ZFP62: variants seen among roughly 807,000 people sequenced by gnomAD.
ZFP62 encodes zinc finger protein 62 homolog.
ZFP62 carries 44 observed loss-of-function variants against 56.4 expected under a neutral mutation model. The ratio of observed to expected loss-of-function variants is 0.78; its 90% CI spans 0.61 to 1.00. The LOEUF (loss-of-function observed/expected upper bound fraction) is 1.00, where lower values mean the gene tolerates loss of function less well. Among genes scored for constraint, ZFP62 ranks in the 50% least tolerant of loss-of-function variants. The pLI is 0.00. For synonymous variants in ZFP62, 421 were observed against 388.9 expected, an observed-to-expected ratio of 1.08 and a Z score of -0.97; for missense variants, 1,030 against 1,085.7, an observed-to-expected ratio of 0.95 and a Z score of 0.72.
chr5:180,852,580 A>G (rs945984171), intron 1 of ZFP62, among the ~76,000 whole-genome samples: 3 of 150,842 alleles, frequency 2.0e-5, no homozygotes, highest in Non-Finnish European at 4.4e-5. Flanking sequence ...AAAAGATACA[A>G]TTAGATCCCA....
chr5:180,829,198 GC>G, the ZFP62 span, among the ~76,000 whole-genome samples: 2 of 139,904 alleles, frequency 1.4e-5, no homozygotes, highest in East Asian at 4.0e-4. Context: ...TCTGCCTTTT[GC>G]CCTTTGTCCT....
Position 180,849,964 on chromosome 5 carries a change from C to T in ZFP62, c.1531G>A (p.Glu511Lys). 3.9e-6 allele frequency: 6 copies of T among 1,551,696 alleles called. No individual in the cohort carries two copies. The highest frequency in any genetic ancestry group is 1.4e-5 in the African/African-American group (1 of 73,152). Residue 511 changes from glutamate to lysine, a missense_variant, in exon 2 of 2, where the codon GAG becomes AAG. Glu to Lys is a moderately conservative substitution (Grantham distance 56). Transcript: ENST00000502412. Reference sequence around the variant, plus strand: ...GCAGAGCTGTAGTTGAAGGATTTCTCACAATAGCTACATTTATAGGGCTTC... The same window carrying T: ...GCAGAGCTGTAGTTGAAGGATTTCTTACAATAGCTACATTTATAGGGCTTC... ...GEKPYKCSYC[E>K]KSFNYSSALE...
chr5:180,831,180 C>A, the ZFP62 span: 1 of 155,200 alleles, frequency 6.4e-6, no homozygotes, highest in South Asian at 1.8e-4. Flanking sequence ...CTGCGGTTCT[C>A]ACAGCCCGCC....
At chr5:180,831,066 G>C in the ZFP62 span, 1 of 152,464 alleles carries the variant, frequency 6.6e-6, no homozygotes, top group African/African-American at 2.4e-5. Flanking sequence ...GAACTTACTG[G>C]GGCTGCATCA....
At position 180,849,227 on chromosome 5, in the gene ZFP62, G is replaced by C. The variant is rs986087075; in HGVS notation, c.2268C>G (p.Pro756=). ...CCTTCCCACACCTATCACACACATA[G>C]GGTTTCTCCCCTGTGTGGATCCTCT... ...QHKRIHTGEK[P]YVCDRCGKAF... Residue 756 remains proline (P), a synonymous_variant, in exon 2 of 2, where the codon CCC becomes CCG. Transcript: ENST00000502412. The C allele has an allele frequency of 1.2e-5, 19 of 1,559,032 alleles. No homozygotes were observed. In the Middle Eastern group the frequency reaches 8.3e-4, roughly 68 times the overall value.
At chr5:180,844,631 C>T (rs145213530), downstream of ZFP62, among the ~76,000 whole-genome samples, 5 of 152,330 alleles carry the variant, frequency 3.3e-5, no homozygotes, top group East Asian at 1.9e-4. Flanking sequence ...CAACCCCCAA[C>T]GTGTGGTTAC....
At position 180,848,552 on chromosome 5, in the gene ZFP62, T is replaced by G. The variant is rs1176109582; in HGVS notation, c.*240A>C. Reference sequence around the variant, plus strand: ...GAAGATTTGCTTCACATTCCATCACTCAGATCTAAGTTTTTCTCTCAAGTA... The same window carrying G: ...GAAGATTTGCTTCACATTCCATCACGCAGATCTAAGTTTTTCTCTCAAGTA... On this transcript the variant is annotated 3_prime_UTR_variant, in exon 2 of 2. Transcript: ENST00000502412. 1 of 1,218,766 alleles carries G rather than the reference T, an allele frequency of 8.2e-7. No individual in the cohort carries two copies. The highest frequency in any genetic ancestry group is 3.8e-5 in the Admixed American group (1 of 25,990). 75.5% of individuals were successfully genotyped at this position (1,218,766 alleles called of 1,614,324 possible).
intron 1 of ZFP62, chr5:180,852,119 TAGAC>T (rs1408904589): frequency 3.4e-5 from 24 of 705,148 alleles, no homozygotes; most frequent in Admixed American, 6.3e-5. Context: ...TCCTGGTACA[TAGAC>T]AGGCAAATGG....
the ZFP62 span, chr5:180,831,636 G>T: frequency 0.052 from 7,933 of 152,734 alleles, 640 homozygotes; most frequent in African/African-American, 0.17. Context: ...GGCGGGGCCT[G>T]GCCGAGCTGC....
chr5:180,846,340 C>A (rs1257941420), downstream of ZFP62, among the ~76,000 whole-genome samples: 1 of 152,202 alleles, frequency 6.6e-6, no homozygotes, highest in Non-Finnish European at 1.5e-5. Flanking sequence ...CCTGCATCTC[C>A]CCAAAAGTAG....
At chr5:180,845,804 A>AT, downstream of ZFP62, 1 of 985,374 alleles carries the variant, frequency 1.0e-6, no homozygotes, top group Admixed American at 6.1e-5. Context: ...TCATTTCTGA[A>AT]TCCCACGGAG....
chr5:180,859,033 G>C (rs1258774929), intron 1 of ZFP62, among the ~76,000 whole-genome samples: 1 of 152,184 alleles, frequency 6.6e-6, no homozygotes, highest in Non-Finnish European at 1.5e-5. Context: ...AAACAGTTAA[G>C]AACCGGCCCT....
At position 180,851,412 on chromosome 5, in the gene ZFP62, G is replaced by A; in HGVS notation, c.83C>T (p.Pro28Leu). Reference sequence around the variant, plus strand: ...TTCAGGCATAGGATCCTCCACTTTTGGCCACTTAGATGCTGCATTTCCAAC... The same window carrying A: ...TTCAGGCATAGGATCCTCCACTTTTAGCCACTTAGATGCTGCATTTCCAAC... ...ENVGNAASKW[P>L]KVEDPMPESK... The change falls in exon 2 of 2, where the codon CCA becomes CTA. Residue 28 changes from proline (P) to leucine (L), a missense_variant. Pro to Leu is a moderately conservative substitution (Grantham distance 98, BLOSUM62 -3). Transcript: ENST00000502412. 1 of 1,551,454 alleles carries A rather than the reference G, an allele frequency of 6.4e-7. No homozygotes were observed. The highest frequency in any genetic ancestry group is 8.7e-7 in the Non-Finnish European group (1 of 1,146,956).
At chr5:180,835,321 C>T in the ZFP62 span, 1 of 152,238 alleles carries the variant, frequency 6.6e-6, no homozygotes, top group Admixed American at 6.5e-5. Flanking sequence ...AACTCTAGGT[C>T]CTTTGGCCTT....
the ZFP62 span, among the ~76,000 whole-genome samples, chr5:180,837,720 C>T: frequency 6.6e-6 from 1 of 152,208 alleles, no homozygotes; most frequent in African/African-American, 2.4e-5. Flanking sequence ...CCACAAGACT[C>T]TTCTGGGATG....
At chr5:180,838,884 T>C in the ZFP62 span, among the ~76,000 whole-genome samples, 1 of 152,226 alleles carries the variant, frequency 6.6e-6, no homozygotes, top group Admixed American at 6.5e-5. Context: ...TAGCAAAAAT[T>C]TAAAAGCAAA....
At chr5:180,860,428 C>T (rs1400419735) in intron 1 of ZFP62, 1 of 152,124 alleles carries the variant, frequency 6.6e-6, no homozygotes, top group Non-Finnish European at 1.5e-5. Flanking sequence ...GAGCAGCACA[C>T]CCAGCCCTGG....
chr5:180,842,900 G>A (rs556763256), downstream of ZFP62, among the ~76,000 whole-genome samples: 14 of 151,882 alleles, frequency 9.2e-5, no homozygotes, highest in South Asian at 6.3e-4. Context: ...ACAATTAGCC[G>A]GGCATGGTGG....
the ZFP62 span, among the ~76,000 whole-genome samples, chr5:180,842,119 T>C: frequency 1.3e-5 from 2 of 152,186 alleles, no homozygotes; most frequent in South Asian, 4.1e-4. Context: ...TCAATGGGTA[T>C]ATTTAAGCCA....
Sources: gnomAD v4.1 joint callset for allele counts (sites outside exome capture counted in the v4.1 genomes callset) on GRCh38, gnomAD v4.1.1 for gene constraint, MANE v1.5 for transcripts, NCBI Gene and HGNC (gene_info 2026-07-23, HGNC 2026-07-21) for gene names.